SVIL: variants seen among roughly 807,000 people sequenced by gnomAD.
The protein encoded by SVIL is supervillin, also known as archvillin.
A neutral mutation model predicts 240.4 loss-of-function variants in SVIL; 101 were observed. The ratio of observed to expected loss-of-function variants is 0.42; its 90% confidence interval spans 0.36 to 0.50. The LOEUF is 0.50. Among genes scored for constraint, SVIL ranks in the 20% least tolerant of loss-of-function variants. SVIL has a pLI of 0.01. For synonymous variants in SVIL, 999 were observed against 1,100.0 expected, an observed-to-expected ratio of 0.91 and a Z score of 1.82; for missense variants, 2,512 against 2,818.7, an observed-to-expected ratio of 0.89 and a Z score of 2.46.
chr10:29,531,396 T>A, intron 9 of SVIL, 108 bp from the exon 10 acceptor site: 5 of 1,123,198 alleles, frequency 4.5e-6, no homozygotes, highest in South Asian at 2.7e-5. Flanking sequence ...TAAATTCTTT[T>A]AAGAAATAAC....
intron 1 of SVIL, among the ~76,000 whole-genome samples, chr10:29,613,297 A>C (rs1277969474): frequency 6.6e-6 from 1 of 152,104 alleles, no homozygotes; most frequent in Non-Finnish European, 1.5e-5. Context: ...GGTGGGGACC[A>C]GAAAGCCATA....
intron 1 of SVIL, among the ~76,000 whole-genome samples, chr10:29,619,343 C>G (rs1957541298): frequency 6.6e-6 from 1 of 152,190 alleles, no homozygotes; most frequent in Non-Finnish European, 1.5e-5. Context: ...TTTGTGCAAA[C>G]TTTAATGACT....
At chr10:29,626,199 A>T (rs189465082) in intron 1 of SVIL, among the ~76,000 whole-genome samples, 1 of 152,200 alleles carries the variant, frequency 6.6e-6, no homozygotes, top group Non-Finnish European at 1.5e-5. Flanking sequence ...CTCAAGGCAC[A>T]CACACACGGT....
At chr10:29,549,032 A>C (rs1952960849) in intron 6 of SVIL, among the ~76,000 whole-genome samples, 1 of 151,972 alleles carries the variant, frequency 6.6e-6, no homozygotes, top group South Asian at 2.1e-4. Context: ...TAATTAAACT[A>C]AAGAGCTTCT....
intron 3 of SVIL, among the ~76,000 whole-genome samples, chr10:29,560,378 G>A (rs952934457): frequency 1.3e-5 from 2 of 152,224 alleles, no homozygotes; most frequent in Non-Finnish European, 2.9e-5. Context: ...GGATTGCATG[G>A]ATGTGTGTTG....
intron 1 of SVIL, among the ~76,000 whole-genome samples, chr10:29,734,943 TCTC>T (rs965720868): frequency 6.6e-6 from 1 of 152,028 alleles, no homozygotes; most frequent in Admixed American, 6.6e-5. Flanking sequence ...GTGAGGAACT[TCTC>T]ATTGCAATAA....
At chr10:29,687,444 C>T (rs374708749) in intron 1 of SVIL, among the ~76,000 whole-genome samples, 49 of 152,344 alleles carry the variant, frequency 3.2e-4, no homozygotes, top group African/African-American at 1.2e-3. Context: ...GTAATCCCAA[C>T]ACTTTGGGAG....
intron 1 of SVIL, among the ~76,000 whole-genome samples, chr10:29,580,402 C>T (rs7099387): frequency 0.49 from 74,227 of 151,882 alleles, 19,236 homozygotes; most frequent in African/African-American, 0.67. Context: ...CCAGCCACAA[C>T]AAAATCAAAG....
At chr10:29,458,652 G>A (rs571970256) in intron 36 of SVIL, 63 bp from the exon 37 acceptor site, 57 of 1,567,554 alleles carry the variant, frequency 3.6e-5, no homozygotes, top group Non-Finnish European at 6.1e-6. Flanking sequence ...GTTTTATTAA[G>A]TGCTTACAGA....
At chr10:29,688,188 T>C (rs1422424178) in intron 1 of SVIL, among the ~76,000 whole-genome samples, 1 of 152,182 alleles carries the variant, frequency 6.6e-6, no homozygotes, top group Non-Finnish European at 1.5e-5. Context: ...AGTGCAGAAA[T>C]GTCTAATAAT....
intron 6 of SVIL, among the ~76,000 whole-genome samples, chr10:29,541,365 T>G (rs1028395952): frequency 2.2e-4 from 33 of 152,362 alleles, no homozygotes; most frequent in African/African-American, 6.5e-4. Flanking sequence ...TTTCCTATCC[T>G]GACTGGGATG....
Position 29,681,406 on chromosome 10 carries a change from GGTGTGTGTGT to G in SVIL, c.-301+5137_-301+5146del, listed in dbSNP as rs55839039. On this transcript the variant is annotated intron_variant, in intron 2 of 35. Transcript: ENST00000375400. ...GCATGATGACCTCTAAAGATGGAAT[GGTGTGTGTGT>G]GTGTGTGTGTGTGTGTGTGTGTGTG... is the stretch of plus-strand genomic sequence containing the variant. Among the ~76,000 whole-genome samples, 52 of 134,978 alleles carry G rather than the reference GGTGTGTGTGT, an allele frequency of 3.9e-4. 1 individual carries two copies. The South Asian group carries it at 6.3e-3, about 16-fold the overall frequency. The allele number at this position is 134,978 out of a possible 152,430, so 88.6% of individuals were successfully genotyped here. A position where few individuals can be genotyped will look rare whatever the true frequency, so the allele number is the denominator to read the frequency against.
intron 3 of SVIL, among the ~76,000 whole-genome samples, chr10:29,655,871 T>TG (rs1564739681): frequency 7.9e-6 from 1 of 126,016 alleles, no homozygotes; most frequent in East Asian, 2.5e-4. Context: ...TGTGTATGTG[T>TG]GGGTTTTTTT....
chr10:29,722,048 G>A (rs1964017990), intron 1 of SVIL, among the ~76,000 whole-genome samples: 1 of 151,986 alleles, frequency 6.6e-6, no homozygotes, highest in Non-Finnish European at 1.5e-5. Context: ...GACCAGCTTG[G>A]CCAACATAGC....
At position 29,720,993 on chromosome 10, in the gene SVIL, T is replaced by C. The variant is rs376923603; in HGVS notation, c.-400+14758A>G. On this transcript the variant is annotated intron_variant, in intron 1 of 35. Transcript: ENST00000375400. ...TCCTGAGTAGCTGGGACTACAGGCATGTGCCACCACAACCCACTAATTTTT... is the reference window on the plus strand; with the variant it reads ...TCCTGAGTAGCTGGGACTACAGGCACGTGCCACCACAACCCACTAATTTTT... Among the ~76,000 whole-genome samples the C allele has an allele frequency of 5.9e-5, 9 of 152,240 alleles. No homozygotes were observed. In the East Asian group the frequency reaches 1.5e-3, roughly 26 times the overall value.
At chr10:29,598,992 G>A (rs1020375239) in intron 1 of SVIL, among the ~76,000 whole-genome samples, 2 of 152,170 alleles carry the variant, frequency 1.3e-5, no homozygotes, top group East Asian at 1.9e-4. Context: ...CAGCTGCCTT[G>A]GGCATCTTTC....
At position 29,480,786 on chromosome 10, in the gene SVIL, A is replaced by G. The variant is rs775788394; in HGVS notation, c.5128T>C (p.Tyr1710His). 1.2e-6 allele frequency: 2 copies of G among 1,612,016 alleles called. No individual in the cohort carries two copies. The highest frequency in any genetic ancestry group is 1.7e-6 in the Non-Finnish European group (2 of 1,179,742). ...KEDPRTDVKA[Y>H]DVTRMVSMPQ... Reference sequence around the variant, plus strand: ...ATGGACACCATCCGTGTCACATCGTATGCCTTGACATCAGTCCTGGGGTCT... The same window carrying G: ...ATGGACACCATCCGTGTCACATCGTGTGCCTTGACATCAGTCCTGGGGTCT... Residue 1710 changes from tyrosine to histidine, a missense_variant, in exon 29 of 38, where the codon TAC (tyrosine) becomes CAC (histidine). Coordinates refer to ENST00000355867, the MANE Select transcript of SVIL (RefSeq NM_021738.3).
At position 29,634,444 on chromosome 10, in the gene SVIL, T is replaced by A. The variant is rs1231843827; in HGVS notation, c.-225A>T. ...CTTCAAATTTCTGTATAATCCTCGTTCCTCTAAGTTAAAGGGGGAAAGAAA... is the reference window on the plus strand; with the variant it reads ...CTTCAAATTTCTGTATAATCCTCGTACCTCTAAGTTAAAGGGGGAAAGAAA... On this transcript the variant is annotated 5_prime_UTR_variant, in exon 1 of 38. Transcript: ENST00000355867. 6.6e-6 allele frequency: 1 copy of A among 152,220 alleles called. No homozygotes were observed. Among genetic ancestry groups the A allele is most frequent in the African/African-American group, 2.4e-5 (1 of 41,466 alleles). 9.4% of individuals were successfully genotyped at this position (152,220 alleles called of 1,614,324 possible).
chr10:29,549,699 AG>A (rs1953052638), intron 6 of SVIL, among the ~76,000 whole-genome samples: 1 of 140,412 alleles, frequency 7.1e-6, no homozygotes, highest in African/African-American at 2.7e-5. Flanking sequence ...GCCATAAAAA[AG>A]GATGAGTTCA....
Sources: allele counts gnomAD v4.1 joint callset (sites outside exome capture counted in the v4.1 genomes callset), GRCh38; gene constraint gnomAD v4.1.1; transcripts MANE v1.5; gene names NCBI Gene and HGNC (gene_info 2026-07-23, HGNC 2026-07-21).